The following ADAMTS15 variants were observed in gnomAD, a reference collection of about 807,000 sequenced individuals.
The protein encoded by ADAMTS15 is A disintegrin and metalloproteinase with thrombospondin motifs 15.
Under a neutral mutation model 79.1 loss-of-function variants are expected in ADAMTS15, and 35 were observed. The ratio of observed to expected loss-of-function variants is 0.44; its 90% CI spans 0.34 to 0.59. ADAMTS15 has a LOEUF of 0.59. Among genes scored for constraint, ADAMTS15 ranks in the 20% least tolerant of loss-of-function variants. The pLI is 0.02. For synonymous variants in ADAMTS15, 616 were observed against 567.3 expected, an observed-to-expected ratio of 1.09 and a Z score of -1.22; for missense variants, 1,324 against 1,318.7, an observed-to-expected ratio of 1.00 and a Z score of -0.06.
chr11:130,457,945 C>G (rs780452314), intron 1 of ADAMTS15, among the ~76,000 whole-genome samples: 3 of 152,214 alleles, frequency 2.0e-5, no homozygotes, highest in Non-Finnish European at 4.4e-5. Flanking sequence ...CAGAGCCACT[C>G]TTACCCTCAG....
At chr11:130,469,187 G>T in intron 4 of ADAMTS15, 75 bp from the exon 5 acceptor site, 1 of 1,286,544 alleles carries the variant, frequency 7.8e-7, no homozygotes, top group Non-Finnish European at 1.0e-6. Flanking sequence ...GCTGTACAGT[G>T]TAGTTTTCTA....
At chr11:130,471,785 G>A (rs769539860) in intron 7 of ADAMTS15, among the ~76,000 whole-genome samples, 4 of 152,192 alleles carry the variant, frequency 2.6e-5, no homozygotes, top group Admixed American at 1.3e-4. Flanking sequence ...TGTAAAGTGG[G>A]TATAATACTA....
intron 1 of ADAMTS15, among the ~76,000 whole-genome samples, chr11:130,460,048 A>T (rs1565393470): frequency 6.6e-6 from 1 of 152,192 alleles, no homozygotes; most frequent in Non-Finnish European, 1.5e-5. Context: ...TGCAAAGTGC[A>T]TGCACAGTGT....
rs184696898 is a variant in ADAMTS15 at position 130,458,082 on chromosome 11, T to A, written c.958-3407T>A. Among the ~76,000 whole-genome samples, 200 of 152,112 alleles carry A rather than the reference T, an allele frequency of 1.3e-3. 1 individual carries two copies. Among genetic ancestry groups the A allele is most frequent in the African/African-American group, 4.3e-3 (180 of 41,488 alleles). On this transcript the variant is annotated intron_variant, in intron 1 of 7. Coordinates refer to ENST00000299164, the MANE Select transcript of ADAMTS15 (RefSeq NM_139055.4). Reference sequence around the variant, plus strand: ...CTGCATGTCTTTGCTCCAGAGAAAATCCACCCTCCCTAGGAGGAAGGAGGC... The same window carrying A: ...CTGCATGTCTTTGCTCCAGAGAAAAACCACCCTCCCTAGGAGGAAGGAGGC...
chr11:130,470,154 G>GTATATATATATATATGTATATATATATA (rs1938401449), intron 5 of ADAMTS15, among the ~76,000 whole-genome samples: 1 of 55,574 alleles, frequency 1.8e-5, no homozygotes, highest in Non-Finnish European at 3.3e-5. Context: ...ATATATATGT[G>GTATATATATATATATGTATATATATATA]TATATATATA....
chr11:130,473,125 G>T lies in ADAMTS15; in HGVS notation c.2157G>T (p.Leu719=). The change falls in exon 8 of 8, where the codon CTG becomes CTT. Residue 719 remains leucine (L), a synonymous_variant. Coordinates refer to ENST00000299164, the MANE Select transcript of ADAMTS15 (RefSeq NM_139055.4). ...TCCGCCAGCGCGGTTACAAAGGGCT[G>T]ATCGGGGATGACAACTACCTGGCTC... ...IDIRQRGYKG[L]IGDDNYLALK... 1 of 1,614,114 alleles carries T rather than the reference G, an allele frequency of 6.2e-7. No individual in the cohort carries two copies. The highest frequency in any genetic ancestry group is 8.5e-7 in the Non-Finnish European group (1 of 1,180,044).
Position 130,449,433 on chromosome 11 carries a change from G to T in ADAMTS15, c.460G>T (p.Ala154Ser). 4 of 1,591,252 alleles carry T rather than the reference G, an allele frequency of 2.5e-6. No individual in the cohort carries two copies. The highest frequency in any genetic ancestry group is 2.2e-5 in the East Asian group (1 of 44,584). Residue 154 changes from alanine to serine, a missense_variant, in exon 1 of 8, where the codon GCA becomes TCA. Ala to Ser is a moderately conservative substitution (Grantham distance 99). Transcript: ENST00000299164. This position sits in a 1 kb window ranked among gnomAD's most constrained non-coding sequence, Gnocchi z 7.8. ...GGCGGCGCAGCGCAACAGCCAGGGC[G>T]CACACCTTCTCCAGCGCCGGGGTGT... Reference protein sequence around the residue: ...APAAQRNSQGAHLLQRRGVPG... With the variant: ...APAAQRNSQGSHLLQRRGVPG...
intron 1 of ADAMTS15, among the ~76,000 whole-genome samples, chr11:130,458,692 A>G (rs2134723311): frequency 6.6e-6 from 1 of 152,298 alleles, no homozygotes; most frequent in East Asian, 1.9e-4. Context: ...CTACTTAGTG[A>G]TAGGGCCAGG....
Position 130,449,459 on chromosome 11 carries a change from T to G in ADAMTS15, c.486T>G (p.Val162=). 7.0e-6 allele frequency: 11 copies of G among 1,576,252 alleles called. No individual in the cohort carries two copies. Among genetic ancestry groups the G allele is most frequent in the Non-Finnish European group, 9.4e-6 (11 of 1,164,912 alleles). Residue 162 remains valine (V), a synonymous_variant, in exon 1 of 8, where the codon GTT becomes GTG. Coordinates refer to ENST00000299164, the MANE Select transcript of ADAMTS15 (RefSeq NM_139055.4). This position sits in a 1 kb window ranked among gnomAD's most constrained non-coding sequence, Gnocchi z 7.8. The part of the protein sequence containing the change: ...QGAHLLQRRG[V]PGGPSGDPTS... ...CACACCTTCTCCAGCGCCGGGGTGTTCCGGGCGGGCCTTCCGGAGACCCCA... is the reference window on the plus strand; with the variant it reads ...CACACCTTCTCCAGCGCCGGGGTGTGCCGGGCGGGCCTTCCGGAGACCCCA...
At chr11:130,458,210 TTC>T (rs1938127612) in intron 1 of ADAMTS15, among the ~76,000 whole-genome samples, 1 of 152,028 alleles carries the variant, frequency 6.6e-6, no homozygotes, top group South Asian at 2.1e-4. Context: ...GTCTAGCGGT[TTC>T]TTTCTTTCTT....
Position 130,474,435 on chromosome 11 carries a change from C to T in ADAMTS15, c.*614C>T, listed in dbSNP as rs1168316169. On this transcript the variant is annotated 3_prime_UTR_variant, in exon 8 of 8. Transcript: ENST00000299164. ...GGGAGTCCCGAGGTTTCTCATCCTG[C>T]ACTCTTGGCCCTCCTATAAAGAAGC... is the stretch of plus-strand genomic sequence containing the variant. 6.6e-6 allele frequency: 1 copy of T among 152,598 alleles called. No homozygotes were observed. Among genetic ancestry groups the T allele is most frequent in the African/African-American group, 2.4e-5 (1 of 41,438 alleles). The allele number at this position is 152,598 out of a possible 1,614,324, so 9.5% of individuals were successfully genotyped here.
At chr11:130,468,541 G>A (rs1001043151) in intron 4 of ADAMTS15, among the ~76,000 whole-genome samples, 9 of 151,922 alleles carry the variant, frequency 5.9e-5, no homozygotes, top group African/African-American at 1.7e-4. Context: ...CGAGGCGGGC[G>A]GATCACGAGG....
intron 4 of ADAMTS15, among the ~76,000 whole-genome samples, chr11:130,465,725 T>C (rs1446138677): frequency 6.6e-6 from 1 of 151,972 alleles, no homozygotes; most frequent in East Asian, 1.9e-4. Context: ...GCTAGCAGCA[T>C]TTCTGGCAAC....
rs1421851570 is a variant in ADAMTS15, at chr11:130,448,690, G to T, written c.-284G>T. ...TGCGAGAAGCCGCCCGGCACCTTCC[G>T]CTAGTTCTCGGCTGCAAATCTTCGT... On this transcript the variant is annotated 5_prime_UTR_variant, in exon 1 of 8. Transcript: ENST00000299164. 6.6e-6 allele frequency among the ~76,000 whole-genome samples: 1 copy of T among 152,242 alleles called. No individual in the cohort carries two copies. The highest frequency in any genetic ancestry group is 1.5e-5 in the Non-Finnish European group (1 of 68,036).
chr11:130,459,870 C>T (rs776297671), intron 1 of ADAMTS15, among the ~76,000 whole-genome samples: 7 of 152,250 alleles, frequency 4.6e-5, no homozygotes, highest in Non-Finnish European at 1.0e-4. Context: ...TGGCTCCCTG[C>T]GCTGTGCTGC....
chr11:130,449,646 G>A lies in ADAMTS15; in HGVS notation c.673G>A (p.Val225Ile). 1 of 1,599,734 alleles carries A rather than the reference G, an allele frequency of 6.3e-7. No homozygotes were observed. Among genetic ancestry groups the A allele is most frequent in the Non-Finnish European group, 8.5e-7 (1 of 1,173,510 alleles). ...SIPRYVETLV[V>I]ADESMVKFHG... ...CCCGCGGTACGTGGAGACGCTGGTGGTCGCGGACGAGTCAATGGTCAAGTT... is the reference window on the plus strand; with the variant it reads ...CCCGCGGTACGTGGAGACGCTGGTGATCGCGGACGAGTCAATGGTCAAGTT... The change falls in exon 1 of 8, where the codon GTC (valine) becomes ATC (isoleucine). Residue 225 changes from valine (V) to isoleucine (I), a missense_variant. Val to Ile is a conservative substitution (Grantham distance 29). Transcript: ENST00000299164. This position sits in a 1 kb window ranked among gnomAD's most constrained non-coding sequence, Gnocchi z 7.8.
chr11:130,472,390 G>A lies in ADAMTS15; in HGVS notation c.2079-657G>A, dbSNP rs552900111. 5.3e-5 allele frequency among the ~76,000 whole-genome samples: 8 copies of A among 152,324 alleles called. No homozygotes were observed. The highest frequency in any genetic ancestry group is 1.2e-4 in the Non-Finnish European group (8 of 68,032). The stretch of plus-strand genomic sequence containing the variant: ...CAGGGACCTGTGGTGGCAAGGCCAC[G>A]TGGGGAGTGGGAGGTACATACCCCA... On this transcript the variant is annotated intron_variant, in intron 7 of 7. Coordinates refer to ENST00000299164, the MANE Select transcript of ADAMTS15 (RefSeq NM_139055.4). The surrounding 1 kb of genome is among the most constrained non-coding windows in gnomAD (Gnocchi z 4.7).
intron 4 of ADAMTS15, among the ~76,000 whole-genome samples, chr11:130,468,939 CAAAAAAA>C (rs911391031): frequency 2.3e-3 from 65 of 27,844 alleles, no homozygotes; most frequent in South Asian, 0.012. Flanking sequence ...TCCACCTCAA[CAAAAAAA>C]AAAAAAAAAA....
intron 4 of ADAMTS15, among the ~76,000 whole-genome samples, chr11:130,463,890 A>T (rs1938252399): frequency 6.6e-6 from 1 of 152,198 alleles, no homozygotes; most frequent in South Asian, 2.1e-4. Context: ...AGAAGGATGA[A>T]AATTGTCACG....
Sources: gnomAD v4.1 joint callset for allele counts (sites outside exome capture counted in the v4.1 genomes callset) on GRCh38, gnomAD v4.1.1 for gene constraint, Gnocchi (gnomAD v3.1) non-coding constraint, MANE v1.5 for transcripts, NCBI Gene and HGNC (gene_info 2026-07-23, HGNC 2026-07-21) for gene names.